The following CERK variants were observed in gnomAD, a reference collection of about 807,000 sequenced individuals.
The protein encoded by CERK is acylsphingosine kinase.
CERK carries 39 observed loss-of-function variants against 63.4 expected under a neutral mutation model. The observed-to-expected ratio is 0.61, with a 90% CI of 0.48 to 0.80. CERK has a LOEUF of 0.80. CERK is among the 30% of genes least tolerant of loss of function. The pLI is 0.00. For missense variants in CERK, 670 were observed against 714.1 expected (o/e 0.94, Z 0.70); for synonymous variants, 302 against 280.0 (o/e 1.08, Z -0.78).
intron 6 of CERK, among the ~76,000 whole-genome samples, chr22:46,703,123 G>A (rs2082795841): frequency 6.6e-6 from 1 of 152,162 alleles, no homozygotes; most frequent in African/African-American, 2.4e-5. Context: ...AACACCCGAT[G>A]AAGGACCGAA....
chr22:46,701,576 A>G (rs1167480721), intron 7 of CERK, 60 bp downstream of exon 7: 27 of 1,423,182 alleles, frequency 1.9e-5, no homozygotes, highest in Non-Finnish European at 2.9e-6. Context: ...AGAGTGGGAC[A>G]GGCCTGGGGG....
chr22:46,727,796 T>C (rs2082926508), intron 1 of CERK, among the ~76,000 whole-genome samples: 2 of 151,772 alleles, frequency 1.3e-5, no homozygotes, highest in Non-Finnish European at 2.9e-5. Context: ...CTGAACATCC[T>C]GCACATGCCG....
At chr22:46,698,414 A>G (rs1283382673) in intron 8 of CERK, among the ~76,000 whole-genome samples, 1 of 152,230 alleles carries the variant, frequency 6.6e-6, no homozygotes, top group African/African-American at 2.4e-5. Context: ...ATACGTGCTG[A>G]GTGTATCTCA....
intron 11 of CERK, 69 bp from the exon 12 acceptor site, chr22:46,690,269 C>A (rs898168631): frequency 3.7e-6 from 5 of 1,335,542 alleles, no homozygotes; most frequent in Non-Finnish European, 5.2e-6. Context: ...AGCAGAACAC[C>A]CCAGGCCTGA....
intron 1 of CERK, among the ~76,000 whole-genome samples, chr22:46,733,589 C>T (rs955334340): frequency 4.6e-5 from 7 of 151,894 alleles, no homozygotes; most frequent in East Asian, 1.9e-4. Flanking sequence ...CCACCACGCC[C>T]GGCCCTTATC....
In CERK at chr22:46,687,020, A is replaced by T; in HGVS notation, c.*114T>A. 1 of 876,638 alleles carries T rather than the reference A, an allele frequency of 1.1e-6. No homozygotes were observed. Among genetic ancestry groups the T allele is most frequent in the Non-Finnish European group, 1.7e-6 (1 of 573,128 alleles). 54.3% of individuals were successfully genotyped at this position (876,638 alleles called of 1,614,324 possible). ...GGGTTTTCTTCTAAAATCAAGATTT[A>T]ACTATCAAAAATAAATTTCTACATT... On this transcript the variant is annotated 3_prime_UTR_variant, in exon 13 of 13. Transcript: ENST00000216264.
chr22:46,719,004 G>T (rs1312270289), intron 3 of CERK, among the ~76,000 whole-genome samples: 2 of 151,820 alleles, frequency 1.3e-5, no homozygotes, highest in African/African-American at 2.4e-5. Flanking sequence ...GAAGGTAGAG[G>T]CTGCAGTGAG....
In CERK at chr22:46,685,933, AT is replaced by A. The variant is rs1459729518; in HGVS notation, c.*1200del. On this transcript the variant is annotated 3_prime_UTR_variant, in exon 13 of 13. Transcript: ENST00000216264. The stretch of plus-strand genomic sequence containing the variant: ...CCTTACAGATCAAAGTTTAAGCCGC[AT>A]ATTCTCATATTTCAAACAAAACTAC... 6.6e-6 allele frequency: 1 copy of A among 152,192 alleles called. No individual in the cohort carries two copies. The highest frequency in any genetic ancestry group is 1.5e-5 in the Non-Finnish European group (1 of 68,038). The allele number at this position is 152,192 out of a possible 1,614,324, so 9.4% of individuals were successfully genotyped here.
At chr22:46,694,178 G>A (rs538764353) in intron 9 of CERK, among the ~76,000 whole-genome samples, 3 of 152,318 alleles carry the variant, frequency 2.0e-5, no homozygotes, top group South Asian at 2.1e-4. Context: ...AGGAAAGGAC[G>A]TGAGTGTCCT....
chr22:46,729,539 G>A (rs1045262924), intron 1 of CERK, among the ~76,000 whole-genome samples: 1 of 151,976 alleles, frequency 6.6e-6, no homozygotes, highest in South Asian at 2.1e-4. Context: ...CTCCTGAGTA[G>A]CTGGGACTAC....
chr22:46,698,509 A>C (rs2082767468), intron 8 of CERK, among the ~76,000 whole-genome samples: 1 of 152,258 alleles, frequency 6.6e-6, no homozygotes. Context: ...CTGAAGTTAC[A>C]GAAGAGCTTC....
rs553286743 is a variant in CERK, at chr22:46,692,426, TAAAAAAAAA to T, written c.1127-658_1127-650del. On this transcript the variant is annotated intron_variant, in intron 10 of 12. Coordinates refer to ENST00000216264, the MANE Select transcript of CERK (RefSeq NM_022766.6). ...GGGCAACAAGAGTAAAACTCTGTCT[TAAAAAAAAA>T]AAAAAAAAAAAAAAAAATTAGCCAG... is the stretch of plus-strand genomic sequence containing the variant. Among the ~76,000 whole-genome samples, 175 of 93,102 alleles carry T rather than the reference TAAAAAAAAA, an allele frequency of 1.9e-3. 1 individual carries two copies. Among genetic ancestry groups the T allele is most frequent in the African/African-American group, 7.8e-3 (164 of 20,984 alleles). 61.1% of individuals were successfully genotyped at this position (93,102 alleles called of 152,430 possible).
rs541874216 is a variant in CERK, at chr22:46,690,192, G to A, written c.1341C>T (p.Phe447=). The A allele has an allele frequency of 2.5e-6, 4 of 1,613,768 alleles. No homozygotes were observed. The South Asian group carries it at 3.3e-5, about 13-fold the overall frequency. Residue 447 remains phenylalanine (F), a synonymous_variant, in exon 12 of 13, where the codon TTC becomes TTT. Transcript: ENST00000216264. ...RHTNQQDQFD[F]TFVEVYRVKK... is the part of the protein sequence containing the mutation. ...TGACGCGATAAACTTCAACAAAAGT[G>A]AAGTCAAACTACCAAGAAACAGTGA...
chr22:46,707,771 G>A (rs1392620882), intron 6 of CERK, 72 bp downstream of exon 6: 5 of 1,508,940 alleles, frequency 3.3e-6, no homozygotes, highest in Admixed American at 2.0e-5. Flanking sequence ...AGTGTCCGAG[G>A]TGGCTACTTG....
chr22:46,693,517 A>G lies in CERK; in HGVS notation c.1050-14T>C. ...CAAACAAAGCATCTGAAAGACAAGAATATCATCACCTTTTAAATATGGAGC... is the reference window on the plus strand; with the variant it reads ...CAAACAAAGCATCTGAAAGACAAGAGTATCATCACCTTTTAAATATGGAGC... On this transcript the variant is annotated splice_polypyrimidine_tract_variant and intron_variant, in intron 9 of 12. Coordinates refer to ENST00000216264, the MANE Select transcript of CERK (RefSeq NM_022766.6). 1 of 1,610,832 alleles carries G rather than the reference A, an allele frequency of 6.2e-7. No individual in the cohort carries two copies. Among genetic ancestry groups the G allele is most frequent in the Non-Finnish European group, 8.5e-7 (1 of 1,177,062 alleles).
chr22:46,725,291 G>A (rs1049756220), intron 1 of CERK, among the ~76,000 whole-genome samples: 2 of 151,680 alleles, frequency 1.3e-5, no homozygotes, highest in Non-Finnish European at 2.9e-5. Context: ...AGCTCCCTGC[G>A]GGGGCTCAGG....
chr22:46,697,775 GATT>G (rs1388658929), intron 8 of CERK, among the ~76,000 whole-genome samples: 4 of 152,216 alleles, frequency 2.6e-5, no homozygotes, highest in African/African-American at 9.7e-5. Flanking sequence ...AAAGTGCTGG[GATT>G]ACAGGCGTGA....
chr22:46,695,203 C>T lies in CERK; in HGVS notation c.1049+7G>A. The stretch of plus-strand genomic sequence containing the variant: ...TGCAAGAGAAACACACAAAGCAATG[C>T]ACTTACCCTGCCCGGCAGGGCTTCC... On this transcript the variant is annotated splice_region_variant and intron_variant, in intron 9 of 12. Coordinates refer to ENST00000216264, the MANE Select transcript of CERK (RefSeq NM_022766.6). 2 of 1,421,162 alleles carry T rather than the reference C, an allele frequency of 1.4e-6. No homozygotes were observed. The highest frequency in any genetic ancestry group is 9.9e-7 in the Non-Finnish European group (1 of 1,009,546). The allele number at this position is 1,421,162 out of a possible 1,614,324, so 88.0% of individuals were successfully genotyped here.
In CERK at chr22:46,699,721, C is replaced by T. The variant is rs801707; in HGVS notation, c.791-256G>A. Among the ~76,000 whole-genome samples the T allele has an allele frequency of 0.54, 81,778 of 152,052 alleles. 23,213 individuals are homozygous for T. The highest frequency in any genetic ancestry group is 0.65 in the African/African-American group (26,805 of 41,464). On this transcript the variant is annotated intron_variant, in intron 7 of 12. Transcript: ENST00000216264. The stretch of plus-strand genomic sequence containing the variant: ...TGTGGGGACTGAACAAGAGTGTATC[C>T]GTGAGGCTCATGAAATATCTTTAAC...
Sources: allele counts gnomAD v4.1 joint callset (sites outside exome capture counted in the v4.1 genomes callset), GRCh38; gene constraint gnomAD v4.1.1; transcripts MANE v1.5; gene names NCBI Gene and HGNC (gene_info 2026-07-23, HGNC 2026-07-21).